Variants in MUC5B observed in about 807,000 individuals in gnomAD.
MUC5B encodes mucin 5B, oligomeric mucus/gel-forming, also known as mucin-5B.
Under a neutral mutation model 376.9 loss-of-function variants are expected in MUC5B, and 116 were observed. That is an observed-to-expected ratio of 0.31 (90% CI 0.26 to 0.36). MUC5B has a LOEUF of 0.36. Among genes scored for constraint, MUC5B ranks in the 10% least tolerant of loss-of-function variants. MUC5B has a pLI of 1.00. For synonymous variants in MUC5B, 3,517 were observed against 3,390.9 expected, an observed-to-expected ratio of 1.04 and a Z score of -1.29; for missense variants, 7,165 against 7,769.9, an observed-to-expected ratio of 0.92 and a Z score of 2.93.
intron 46 of MUC5B, 50 bp from the exon 47 acceptor site, chr11:1,260,301 C>T (rs757620261): frequency 6.3e-7 from 1 of 1,587,564 alleles, no homozygotes; most frequent in African/African-American, 1.3e-5. Flanking sequence ...GCCGCACCCA[C>T]CAGGGAGGCC....
chr11:1,230,564 G>A lies in MUC5B; in HGVS notation c.1434G>A (p.Leu478=), dbSNP rs752892841. 1 of 1,611,450 alleles carries A rather than the reference G, an allele frequency of 6.2e-7. No homozygotes were observed. The highest frequency in any genetic ancestry group is 1.3e-5 in the African/African-American group (1 of 74,936). The change falls in exon 12 of 49, where the codon CTG becomes CTA. Residue 478 remains leucine (L), a synonymous_variant. Transcript: ENST00000529681. ...KCGLTDNENC[L]KAVTLSLDGG... is the part of the protein sequence containing the mutation. ...GCCTGACGGACAACGAGAACTGCCT[G>A]AAAGCGGTGACGCTCAGCCTGGACG...
At chr11:1,226,351 G>A (rs1861881998) in intron 3 of MUC5B, 75 bp downstream of exon 3, 4 of 1,508,798 alleles carry the variant, frequency 2.7e-6, no homozygotes, top group Non-Finnish European at 3.6e-6. Context: ...AGATCTAGGG[G>A]TGCAGCTGCC....
intron 4 of MUC5B, 55 bp downstream of exon 4, chr11:1,226,931 C>A: frequency 6.3e-7 from 1 of 1,588,460 alleles, no homozygotes; most frequent in East Asian, 2.3e-5. Context: ...TGTGACCTCC[C>A]CACACGGCCA....
In MUC5B at chr11:1,257,982, A is replaced by G; in HGVS notation, c.16451-117A>G. 1 of 1,096,760 alleles carries G rather than the reference A, an allele frequency of 9.1e-7. No homozygotes were observed. The highest frequency in any genetic ancestry group is 1.3e-6 in the Non-Finnish European group (1 of 756,744). The allele number at this position is 1,096,760 out of a possible 1,614,324, so 67.9% of individuals were successfully genotyped here. A position where few individuals can be genotyped will look rare whatever the true frequency, so the allele number is the denominator to read the frequency against. ...AGCAAGGGGCCTGGAGGGAGCCCCC[A>G]GGGGCTGTGAAGCGGTCAGGTCCTC... On this transcript the variant is annotated intron_variant, in intron 41 of 48. Transcript: ENST00000529681. The surrounding 1 kb of genome is among the most constrained non-coding windows in gnomAD (Gnocchi z 8.9).
chr11:1,254,332 A>C lies in MUC5B; in HGVS notation c.15458A>C (p.His5153Pro). 6.2e-7 allele frequency: 1 copy of C among 1,604,000 alleles called. No individual in the cohort carries two copies. The highest frequency in any genetic ancestry group is 8.5e-7 in the Non-Finnish European group (1 of 1,179,708). Residue 5153 changes from histidine (H) to proline (P), a missense_variant, in exon 34 of 49, where the codon CAT becomes CCT. His to Pro is a moderately conservative substitution (Grantham distance 77). This residue lies in a region of MUC5B where 842 missense variants were observed against 1,016.9 expected (regional missense o/e 0.83). Coordinates refer to ENST00000529681, the MANE Select transcript of MUC5B (RefSeq NM_002458.3). ...ATCGTCCTCACTGTCACCATGGTGC[A>C]TGGGAAGGAGGAGGGCCTGGTGAGT... The part of the protein sequence containing the change: ...MDIVLTVTMV[H>P]GKEEGLILFD...
At position 1,248,449 on chromosome 11, in the gene MUC5B, C is replaced by A; in HGVS notation, c.11569C>A (p.Pro3857Thr). The change falls in exon 31 of 49, where the codon CCA (proline) becomes ACA (threonine). Residue 3857 changes from proline (P) to threonine (T), a missense_variant. By Grantham distance (38) the Pro-to-Thr change is conservative. This residue lies in a region of MUC5B where 242 missense variants were observed against 199.0 expected (regional missense o/e 1.22). Coordinates refer to ENST00000529681, the MANE Select transcript of MUC5B (RefSeq NM_002458.3). ...CTCTGTGGCCACCCCCTCTTCCACC[C>A]CAGGAACAGCTCACACTACCAAAGT... ...TGSVATPSST[P>T]GTAHTTKVPT... is the part of the protein sequence containing the mutation. 6.2e-7 allele frequency: 1 copy of A among 1,610,690 alleles called. No individual in the cohort carries two copies. The highest frequency in any genetic ancestry group is 1.7e-5 in the Admixed American group (1 of 59,866).
chr11:1,243,828 C>A lies in MUC5B; in HGVS notation c.6948C>A (p.Pro2316=), dbSNP rs1862369690. 1 of 1,611,518 alleles carries A rather than the reference C, an allele frequency of 6.2e-7. No individual in the cohort carries two copies. The highest frequency in any genetic ancestry group is 2.2e-5 in the East Asian group (1 of 44,846). The part of the protein sequence containing the change: ...ITTVVTMGCE[P]QCAWSEWLDY... ...CGGTGGTGACCATGGGCTGTGAGCCCCAGTGTGCCTGGTCAGAGTGGCTGG... is the reference window on the plus strand; with the variant it reads ...CGGTGGTGACCATGGGCTGTGAGCCACAGTGTGCCTGGTCAGAGTGGCTGG... The change falls in exon 31 of 49, where the codon CCC becomes CCA. Residue 2316 remains proline (P), a synonymous_variant. Coordinates refer to ENST00000529681, the MANE Select transcript of MUC5B (RefSeq NM_002458.3).
rs372970052 is a variant in MUC5B at position 1,257,313 on chromosome 11, C to A, written c.16269+42C>A. The A allele has an allele frequency of 3.9e-5, 31 of 790,518 alleles. No homozygotes were observed. The highest frequency in any genetic ancestry group is 3.4e-4 in the African/African-American group (20 of 59,438). The allele number at this position is 790,518 out of a possible 1,614,324, so 49.0% of individuals were successfully genotyped here. A position where few individuals can be genotyped will look rare whatever the true frequency, so the allele number is the denominator to read the frequency against. On this transcript the variant is annotated intron_variant, in intron 40 of 48. Transcript: ENST00000529681. This position sits in a 1 kb window ranked among gnomAD's most constrained non-coding sequence, Gnocchi z 8.9. ...CCACCTGCCCTACCCCACCCTCTCGCGAGCTGAGGGAGGGAGGGAAGGAGC... is the reference window on the plus strand; with the variant it reads ...CCACCTGCCCTACCCCACCCTCTCGAGAGCTGAGGGAGGGAGGGAAGGAGC...
rs1862308492 is a variant in MUC5B, at chr11:1,242,359, A to G, written c.5479A>G (p.Ser1827Gly). 6.2e-7 allele frequency: 1 copy of G among 1,613,818 alleles called. No homozygotes were observed. Among genetic ancestry groups the G allele is most frequent in the Non-Finnish European group, 8.5e-7 (1 of 1,179,838 alleles). ...GGGCAAGATGTGCTGGGCACCAAAG[A>G]GCATAGAGTGCCGGGCGGAGAACTA... The part of the protein sequence containing the change: ...AGGKMCWAPK[S>G]IECRAENYPE... Residue 1827 changes from serine (S) to glycine (G), a missense_variant, in exon 31 of 49, where the codon AGC becomes GGC. Physicochemically the swap from Ser to Gly is moderately conservative, Grantham distance 56. Transcript: ENST00000529681.
At position 1,241,168 on chromosome 11, in the gene MUC5B, G is replaced by A; in HGVS notation, c.4288G>A (p.Val1430Met). Residue 1430 changes from valine to methionine, a missense_variant, in exon 31 of 49, where the codon GTG (valine) becomes ATG (methionine). Coordinates refer to ENST00000529681, the MANE Select transcript of MUC5B (RefSeq NM_002458.3). ...GCTGCGGGTTCTCTGCTGCGAATAC[G>A]TGCCCTGTGGCCCCTCCCCGGCCCC... Reference protein sequence around the residue: ...YELRVLCCEYVPCGPSPAPGT... With the variant: ...YELRVLCCEYMPCGPSPAPGT... The A allele has an allele frequency of 4.4e-6, 7 of 1,601,608 alleles. No homozygotes were observed. Among genetic ancestry groups the A allele is most frequent in the South Asian group, 2.2e-5 (2 of 89,224 alleles).
At position 1,243,146 on chromosome 11, in the gene MUC5B, C is replaced by G; in HGVS notation, c.6266C>G (p.Thr2089Arg). The G allele has an allele frequency of 6.2e-7, 1 of 1,609,714 alleles. No homozygotes were observed. The highest frequency in any genetic ancestry group is 8.5e-7 in the Non-Finnish European group (1 of 1,178,034). ...ACCACACCCACAACCAGAGGCTCCA[C>G]GGTGACCCCCTCCTCCATCCCGGGG... ...TTTTPTTRGS[T>R]VTPSSIPGTT... Residue 2089 changes from threonine to arginine, a missense_variant, in exon 31 of 49, where the codon ACG (threonine) becomes AGG (arginine). Around this residue, in one of 31 missense-constraint regions of MUC5B, gnomAD observed 897 missense variants for 779.6 expected, o/e 1.15. Transcript: ENST00000529681.
At chr11:1,237,347 C>T (rs2133819171) in intron 25 of MUC5B, among the ~76,000 whole-genome samples, 183 bp downstream of exon 25, 1 of 152,354 alleles carries the variant, frequency 6.6e-6, no homozygotes, top group South Asian at 2.1e-4. Context: ...ACCTGTGCCT[C>T]TTGCCCCTGG....
intron 31 of MUC5B, 56 bp downstream of exon 31, chr11:1,251,799 G>A (rs1862708472): frequency 3.2e-6 from 4 of 1,269,234 alleles, no homozygotes; most frequent in South Asian, 1.4e-5. Context: ...ATGCCAACCT[G>A]GGTCTGCCTG....
In MUC5B at chr11:1,250,907, C is replaced by T. The variant is rs1862664105; in HGVS notation, c.14027C>T (p.Thr4676Ile). Residue 4676 changes from threonine (T) to isoleucine (I), a missense_variant, in exon 31 of 49, where the codon ACT becomes ATT. By Grantham distance (89) the Thr-to-Ile change is moderately conservative. This residue lies in a region of MUC5B where 730 missense variants were observed against 592.7 expected (regional missense o/e 1.23). Transcript: ENST00000529681. ...TPSSSTQTSG[T>I]PPSLTTTATT... The stretch of plus-strand genomic sequence containing the variant: ...TCCTCTAGCACACAGACCAGTGGTA[C>T]TCCCCCATCACTGACCACCACGGCC... 6.3e-7 allele frequency: 1 copy of T among 1,589,558 alleles called. No individual in the cohort carries two copies. Among genetic ancestry groups the T allele is most frequent in the African/African-American group, 1.4e-5 (1 of 73,858 alleles).
In MUC5B at chr11:1,250,108, A is replaced by G. The variant is rs766847130; in HGVS notation, c.13228A>G (p.Thr4410Ala). The G allele has an allele frequency of 6.3e-7, 1 of 1,593,980 alleles. No individual in the cohort carries two copies. Among genetic ancestry groups the G allele is most frequent in the Admixed American group, 1.7e-5 (1 of 58,530 alleles). Reference protein sequence around the residue: ...TTTAATGPTATPSSTPGTTWI... With the variant: ...TTTAATGPTAAPSSTPGTTWI... ...AACTGCAGCCACTGGCCCCACGGCC[A>G]CCCCGTCCTCCACCCCAGGGACCAC... The change falls in exon 31 of 49, where the codon ACC becomes GCC. Residue 4410 changes from threonine (T) to alanine (A), a missense_variant. Thr to Ala is a moderately conservative substitution (Grantham distance 58). Around this residue, in one of 31 missense-constraint regions of MUC5B, gnomAD observed 431 missense variants for 390.4 expected, o/e 1.10. Coordinates refer to ENST00000529681, the MANE Select transcript of MUC5B (RefSeq NM_002458.3).
At chr11:1,225,039 C>G (rs1169453056) in intron 1 of MUC5B, among the ~76,000 whole-genome samples, 2 of 152,174 alleles carry the variant, frequency 1.3e-5, no homozygotes, top group Non-Finnish European at 2.9e-5. Flanking sequence ...GTGGGTGAGG[C>G]CTTGCCCGGA....
Position 1,248,280 on chromosome 11 carries a change from C to T in MUC5B, c.11400C>T (p.Ser3800=), listed in dbSNP as rs778751287. 2 of 1,593,632 alleles carry T rather than the reference C, an allele frequency of 1.3e-6. No homozygotes were observed. The highest frequency in any genetic ancestry group is 1.4e-5 in the African/African-American group (1 of 73,796). The change falls in exon 31 of 49, where the codon TCC becomes TCT. Residue 3800 remains serine (S), a synonymous_variant. Coordinates refer to ENST00000529681, the MANE Select transcript of MUC5B (RefSeq NM_002458.3). ...TATSFTAIPS[S]SLGTTWTRLS... is the part of the protein sequence containing the mutation. ...CCAGCTTTACAGCCATCCCCTCCTCCTCCCTGGGCACCACCTGGACCCGCC... is the reference window on the plus strand; with the variant it reads ...CCAGCTTTACAGCCATCCCCTCCTCTTCCCTGGGCACCACCTGGACCCGCC...
rs767667781 is a variant in MUC5B at position 1,232,177 on chromosome 11, C to T, written c.1843+17C>T. On this transcript the variant is annotated intron_variant, in intron 15 of 48. Transcript: ENST00000529681. ...TGGAGAATGGTACTCCTCGCCCCCA[C>T]CCCCACAGTCACCCCAGGCTCAAGT... The T allele has an allele frequency of 1.3e-6, 2 of 1,569,716 alleles. No individual in the cohort carries two copies. Among genetic ancestry groups the T allele is most frequent in the South Asian group, 1.2e-5 (1 of 83,170 alleles).
At position 1,247,238 on chromosome 11, in the gene MUC5B, C is replaced by G. The variant is rs529974907; in HGVS notation, c.10358C>G (p.Thr3453Ser). 6.2e-7 allele frequency: 1 copy of G among 1,612,406 alleles called. No homozygotes were observed. ...CCCCCAGTGCCGAACACCACGGCCA[C>G]CACACACGGGCGGTCCCTGCCCCCC... ...HTPPVPNTTATTHGRSLPPSS... is the reference protein window; with the variant it reads ...HTPPVPNTTASTHGRSLPPSS... Residue 3453 changes from threonine to serine, a missense_variant, in exon 31 of 49, where the codon ACC (threonine) becomes AGC (serine). By Grantham distance (58) the Thr-to-Ser change is moderately conservative. This residue lies in a region of MUC5B where 939 missense variants were observed against 770.6 expected (regional missense o/e 1.22). Coordinates refer to ENST00000529681, the MANE Select transcript of MUC5B (RefSeq NM_002458.3).
Sources: allele counts gnomAD v4.1 joint callset (sites outside exome capture counted in the v4.1 genomes callset), GRCh38; gene constraint gnomAD v4.1.1; regional missense constraint gnomAD v4.1.1; non-coding constraint Gnocchi (gnomAD v3.1); transcripts MANE v1.5; gene names NCBI Gene and HGNC (gene_info 2026-07-23, HGNC 2026-07-21).